CDH13: variants seen among roughly 807,000 people sequenced by gnomAD.
The protein encoded by CDH13 is cadherin-13.
CDH13 carries 24 observed loss-of-function variants against 63.8 expected under a neutral mutation model. That is an observed-to-expected ratio of 0.38 (90% CI 0.27 to 0.53). The LOEUF (loss-of-function observed/expected upper bound fraction) is 0.53, where lower values mean the gene tolerates loss of function less well. Ranked by LOEUF, CDH13 falls within the 20% of genes least tolerant of loss-of-function variation. The pLI, the probability that CDH13 is intolerant of heterozygous loss-of-function variation, is 0.85. For missense variants in CDH13, 1,049 were observed against 903.1 expected, an observed-to-expected ratio of 1.16 and a Z score of -2.07; for synonymous variants, 503 against 355.3, an observed-to-expected ratio of 1.42 and a Z score of -4.67.
chr16:83,505,493 CACAGTTCTTGT>C (rs2151593429), intron 7 of CDH13, among the ~76,000 whole-genome samples: 1 of 150,360 alleles, frequency 6.7e-6, no homozygotes, highest in South Asian at 2.1e-4. Flanking sequence ...GCCAAAGGAG[CACAGTTCTTGT>C]AAAGCTGATG....
At chr16:82,829,196 C>T (rs1026255033) in intron 1 of CDH13, 1 of 152,190 alleles carries the variant, frequency 6.6e-6, no homozygotes, top group African/African-American at 2.4e-5. Flanking sequence ...TGAGGAGGCA[C>T]AAGTCGAGGA....
chr16:83,674,748 G>A (rs531620032), intron 9 of CDH13, among the ~76,000 whole-genome samples: 5 of 152,292 alleles, frequency 3.3e-5, no homozygotes, highest in South Asian at 2.1e-4. Flanking sequence ...GATGAGTGTC[G>A]GCTTCGTCTT....
At chr16:83,556,912 C>G (rs983587752) in intron 7 of CDH13, among the ~76,000 whole-genome samples, 2 of 152,210 alleles carry the variant, frequency 1.3e-5, no homozygotes, top group Non-Finnish European at 2.9e-5. Flanking sequence ...GTCATCCTGT[C>G]TACAGATTCT....
rs924782542 is a variant in CDH13 at position 82,825,140 on chromosome 16, C to G, written c.46-33222C>G. On this transcript the variant is annotated intron_variant, in intron 1 of 13. Transcript: ENST00000567109. Reference sequence around the variant, plus strand: ...CTCCACTTTGATGTTTTCTTGAACTCTCCAATACTAAAAATTTAGCCAAAA... The same window carrying G: ...CTCCACTTTGATGTTTTCTTGAACTGTCCAATACTAAAAATTTAGCCAAAA... The G allele has an allele frequency of 5.5e-4, 84 of 152,140 alleles. 1 individual carries two copies. Among genetic ancestry groups the G allele is most frequent in the Admixed American group, 5.5e-3 (84 of 15,256 alleles). 9.4% of individuals were successfully genotyped at this position (152,140 alleles called of 1,614,324 possible).
At position 83,274,386 on chromosome 16, in the gene CDH13, C is replaced by T. The variant is rs115294220; in HGVS notation, c.636+56889C>T. ...TGTTTATAATGTTCTTCCTGCCACT[C>T]ATTATTTGGCTCCTACCCTGAGTGA... On this transcript the variant is annotated intron_variant, in intron 5 of 13. Coordinates refer to ENST00000567109, the MANE Select transcript of CDH13 (RefSeq NM_001257.5). Among the ~76,000 whole-genome samples, 1,197 of 152,278 alleles carry T rather than the reference C, an allele frequency of 7.9e-3. 16 individuals are homozygous for T. Among genetic ancestry groups the T allele is most frequent in the African/African-American group, 0.027 (1,142 of 41,548 alleles).
At chr16:83,240,619 G>A (rs750457436) in intron 5 of CDH13, among the ~76,000 whole-genome samples, 1 of 149,592 alleles carries the variant, frequency 6.7e-6, no homozygotes, top group Non-Finnish European at 1.5e-5. Context: ...ATGAAAGAGA[G>A]GAGGGTTGAG....
chr16:82,989,943 ATT>A lies in CDH13; in HGVS notation c.158-42057_158-42056del, dbSNP rs76488923. Reference sequence around the variant, plus strand: ...GCTTAGCAAATTTCTCATCAGTCCCATTTTTTTTTTTACCAGCTCCCCTCAAT... The same window carrying A: ...GCTTAGCAAATTTCTCATCAGTCCCATTTTTTTTTACCAGCTCCCCTCAAT... On this transcript the variant is annotated intron_variant, in intron 2 of 13. Transcript: ENST00000567109. Among the ~76,000 whole-genome samples, 52 of 148,204 alleles carry A rather than the reference ATT, an allele frequency of 3.5e-4. 1 individual carries two copies. In the East Asian group the frequency reaches 6.6e-3, roughly 19 times the overall value.
chr16:83,622,289 C>T (rs958658796), intron 8 of CDH13, among the ~76,000 whole-genome samples: 1 of 152,102 alleles, frequency 6.6e-6, no homozygotes, highest in African/African-American at 2.4e-5. Flanking sequence ...TGAGTCAGAG[C>T]ACCTGGTTCC....
intron 3 of CDH13, among the ~76,000 whole-genome samples, chr16:83,036,837 G>T (rs1268318559): frequency 6.6e-6 from 1 of 152,124 alleles, no homozygotes; most frequent in Admixed American, 6.6e-5. Flanking sequence ...CCACCTCAAG[G>T]ATTAGCCTGC....
At chr16:83,450,941 G>A (rs942803949) in intron 6 of CDH13, among the ~76,000 whole-genome samples, 3 of 152,132 alleles carry the variant, frequency 2.0e-5, no homozygotes, top group Non-Finnish European at 4.4e-5. Flanking sequence ...GTGTGCGTCG[G>A]CATCCCCTGG....
intron 2 of CDH13, among the ~76,000 whole-genome samples, chr16:82,867,905 T>A (rs1471576433): frequency 6.6e-6 from 1 of 152,148 alleles, no homozygotes; most frequent in Non-Finnish European, 1.5e-5. Flanking sequence ...TCTGTCTACA[T>A]TCTCTATCTT....
chr16:83,743,164 T>C (rs13332622), intron 10 of CDH13, among the ~76,000 whole-genome samples: 54,591 of 152,072 alleles, frequency 0.36, 10,655 homozygotes, highest in Middle Eastern at 0.49. Flanking sequence ...CTGAGATCGC[T>C]GCCACTGCAC....
intron 13 of CDH13, among the ~76,000 whole-genome samples, chr16:83,785,604 G>T (rs924220519): frequency 2.0e-5 from 3 of 152,178 alleles, no homozygotes; most frequent in Non-Finnish European, 4.4e-5. Context: ...GTGTAGGAAT[G>T]TTCCCTTCGT....
intron 4 of CDH13, among the ~76,000 whole-genome samples, chr16:83,200,490 A>G (rs1422486269): frequency 6.6e-6 from 1 of 152,074 alleles, no homozygotes; most frequent in African/African-American, 2.4e-5. Context: ...TTTCTCTCAA[A>G]TGTTTTCCTC....
intron 7 of CDH13, among the ~76,000 whole-genome samples, chr16:83,488,760 G>T (rs538692002): frequency 6.6e-4 from 101 of 152,102 alleles, no homozygotes; most frequent in Non-Finnish European, 1.2e-3. Flanking sequence ...GAGTAGCTGG[G>T]AATACAGGCG....
intron 2 of CDH13, among the ~76,000 whole-genome samples, chr16:83,003,480 A>C (rs540464341): frequency 1.3e-5 from 2 of 152,310 alleles, no homozygotes; most frequent in East Asian, 3.9e-4. Flanking sequence ...TAAATGTATA[A>C]TCAGGTTAGT....
At chr16:83,236,576 A>G (rs756756734) in intron 5 of CDH13, among the ~76,000 whole-genome samples, 4 of 152,184 alleles carry the variant, frequency 2.6e-5, no homozygotes, top group African/African-American at 7.2e-5. Context: ...AAATGCTGCA[A>G]GGCTATTCTG....
chr16:83,032,882 G>C (rs893971776), intron 3 of CDH13, among the ~76,000 whole-genome samples: 2 of 152,190 alleles, frequency 1.3e-5, no homozygotes, highest in Admixed American at 6.5e-5. Flanking sequence ...GAAATGGATG[G>C]TGGATAGACC....
At chr16:83,034,150 C>A (rs1452518539) in intron 3 of CDH13, among the ~76,000 whole-genome samples, 1 of 152,152 alleles carries the variant, frequency 6.6e-6, no homozygotes, top group African/African-American at 2.4e-5. Context: ...ATAAGTGGCT[C>A]ATGTGCCACC....
Sources: allele counts gnomAD v4.1 joint callset (sites outside exome capture counted in the v4.1 genomes callset), GRCh38; gene constraint gnomAD v4.1.1; transcripts MANE v1.5; gene names NCBI Gene and HGNC (gene_info 2026-07-23, HGNC 2026-07-21).